The following TTC29 variants were observed in gnomAD, a reference collection of about 807,000 sequenced individuals.
TTC29 encodes the protein tetratricopeptide repeat domain 29.
TTC29 carries 49 observed loss-of-function variants against 58.1 expected under a neutral mutation model. That is an observed-to-expected ratio of 0.84 (90% CI 0.67 to 1.07). The LOEUF is 1.07. Among genes scored for constraint, TTC29 ranks in the 50% least tolerant of loss-of-function variants. The pLI is 0.00. For synonymous variants in TTC29, 209 were observed against 196.8 expected (o/e 1.06, Z -0.52); for missense variants, 582 against 555.6 (o/e 1.05, Z -0.48).
intron 11 of TTC29, among the ~76,000 whole-genome samples, chr4:146,721,086 G>A (rs1048205005): frequency 4.6e-5 from 7 of 152,050 alleles, no homozygotes; most frequent in Non-Finnish European, 4.4e-5. Context: ...AAGAAATGAG[G>A]TTTTTATGTA....
rs138153461 is a variant in TTC29 at position 146,750,647 on chromosome 4, A to G, written c.1331-43096T>C. On this transcript the variant is annotated intron_variant, in intron 11 of 12. Coordinates refer to ENST00000325106, the MANE Select transcript of TTC29 (RefSeq NM_031956.4). ...TGTATGCAACAGAGGTTAAATTATT[A>G]TCGGCTTAGAATAGCAGATTATAAG... 5.5e-3 allele frequency among the ~76,000 whole-genome samples: 833 copies of G among 152,342 alleles called. 10 individuals carry two copies. The highest frequency in any genetic ancestry group is 0.041 in the Middle Eastern group (12 of 294).
chr4:146,940,738 T>A (rs184734497), intron 2 of TTC29, among the ~76,000 whole-genome samples: 69 of 152,312 alleles, frequency 4.5e-4, no homozygotes, highest in Non-Finnish European at 6.8e-4. Flanking sequence ...ATGGACTCCC[T>A]CACATCATGG....
In TTC29 at chr4:146,803,479, G is replaced by A; in HGVS notation, c.1308C>T (p.Asn436=). 3.8e-6 allele frequency: 6 copies of A among 1,588,470 alleles called. No individual in the cohort carries two copies. Among genetic ancestry groups the A allele is most frequent in the Non-Finnish European group, 5.1e-6 (6 of 1,165,336 alleles). The change falls in exon 11 of 13, where the codon AAC becomes AAT. Residue 436 remains asparagine (N), a synonymous_variant. Coordinates refer to ENST00000325106, the MANE Select transcript of TTC29 (RefSeq NM_031956.4). ...YLLSWKESRG[N]IEPDPVTEEF... is the part of the protein sequence containing the mutation. ...TACCAGTAACTGGATCAGGTTCAATGTTACCTCTGCTCTCCTTCCATGACA... is the reference window on the plus strand; with the variant it reads ...TACCAGTAACTGGATCAGGTTCAATATTACCTCTGCTCTCCTTCCATGACA...
chr4:146,799,595 C>A (rs151323676), intron 11 of TTC29, among the ~76,000 whole-genome samples: 16 of 151,998 alleles, frequency 1.1e-4, no homozygotes, highest in African/African-American at 3.9e-4. Flanking sequence ...CCTTTACATG[C>A]CATTTTGTAG....
intron 9 of TTC29, 146 bp from the exon 10 acceptor site, chr4:146,820,394 T>TATGGC: frequency 1.0e-6 from 1 of 960,582 alleles, no homozygotes; most frequent in Non-Finnish European, 1.5e-6. Context: ...AATTAAAATA[T>TATGGC]ATGGCTTGTT....
chr4:146,836,517 C>T (rs1450480252), intron 8 of TTC29, among the ~76,000 whole-genome samples: 1 of 152,002 alleles, frequency 6.6e-6, no homozygotes, highest in Non-Finnish European at 1.5e-5. Context: ...AGACAAAACC[C>T]AGTGCATTGG....
At position 146,907,541 on chromosome 4, in the gene TTC29, C is replaced by T. The variant is rs369676836; in HGVS notation, c.400+1485G>A. On this transcript the variant is annotated intron_variant, in intron 5 of 12. Coordinates refer to ENST00000325106, the MANE Select transcript of TTC29 (RefSeq NM_031956.4). ...GAGATGGAGTCTTGCTCTTGTCACC[C>T]AAGCTGGAGCGCAATGGAGCAATCT... Among the ~76,000 whole-genome samples, 21 of 152,290 alleles carry T rather than the reference C, an allele frequency of 1.4e-4. 1 individual carries two copies. The highest frequency in any genetic ancestry group is 9.8e-4 in the Admixed American group (15 of 15,284).
intron 11 of TTC29, among the ~76,000 whole-genome samples, chr4:146,767,587 A>G (rs1747421719): frequency 6.6e-6 from 1 of 152,016 alleles, no homozygotes; most frequent in African/African-American, 2.4e-5. Flanking sequence ...GCATATATGT[A>G]CTCTGTTAAT....
rs1553942363 is a variant in TTC29 at position 146,930,098 on chromosome 4, T to TATATATACAC, written c.176+7495_176+7496insGTGTATATAT. 9.8e-3 allele frequency among the ~76,000 whole-genome samples: 1,161 copies of TATATATACAC among 118,720 alleles called. 23 individuals carry two copies. Among genetic ancestry groups the TATATATACAC allele is most frequent in the African/African-American group, 0.043 (1,109 of 25,588 alleles). 77.9% of individuals were successfully genotyped at this position (118,720 alleles called of 152,430 possible). On this transcript the variant is annotated intron_variant, in intron 4 of 12. Coordinates refer to ENST00000325106, the MANE Select transcript of TTC29 (RefSeq NM_031956.4). ...ATGTGTGTGTGCATATATATATATATATATATATATATATATATATACACA... is the reference window on the plus strand; with the variant it reads ...ATGTGTGTGTGCATATATATATATATATATATACACATATATATATATATATATATACACA...
chr4:146,794,846 G>T (rs564255330), intron 11 of TTC29, among the ~76,000 whole-genome samples: 3 of 152,122 alleles, frequency 2.0e-5, no homozygotes, highest in African/African-American at 7.2e-5. Context: ...GTGCAGGTGT[G>T]TTACATAGGT....
At chr4:146,933,175 A>G (rs1240356436) in intron 4 of TTC29, among the ~76,000 whole-genome samples, 7 of 152,274 alleles carry the variant, frequency 4.6e-5, no homozygotes, top group African/African-American at 1.7e-4. Context: ...GTGATGCTCA[A>G]TAAACATCCA....
chr4:146,920,978 C>T (rs890283851), intron 4 of TTC29, among the ~76,000 whole-genome samples: 3 of 151,214 alleles, frequency 2.0e-5, no homozygotes, highest in African/African-American at 7.3e-5. Context: ...TGATTTTCCC[C>T]TTATCTAAAA....
At chr4:146,716,438 G>A (rs1742936249) in intron 11 of TTC29, among the ~76,000 whole-genome samples, 1 of 151,980 alleles carries the variant, frequency 6.6e-6, no homozygotes, top group Non-Finnish European at 1.5e-5. Flanking sequence ...CTTTATTGAG[G>A]TATGATTGAC....
intron 6 of TTC29, among the ~76,000 whole-genome samples, chr4:146,890,691 T>C (rs1017281852): frequency 1.3e-5 from 2 of 152,206 alleles, no homozygotes; most frequent in African/African-American, 2.4e-5. Context: ...CCCAGATGGC[T>C]GAATATTCCC....
chr4:146,860,587 A>C (rs144868690), intron 8 of TTC29, among the ~76,000 whole-genome samples: 172 of 152,252 alleles, frequency 1.1e-3, no homozygotes, highest in African/African-American at 3.9e-3. Context: ...CTCTCAATGA[A>C]GGATACTCTC....
intron 4 of TTC29, among the ~76,000 whole-genome samples, chr4:146,919,336 T>C (rs1384061901): frequency 6.6e-6 from 1 of 151,052 alleles, no homozygotes; most frequent in East Asian, 1.9e-4. Flanking sequence ...ACCCTGGAAA[T>C]AATCTTAGCT....
intron 9 of TTC29, among the ~76,000 whole-genome samples, chr4:146,823,101 A>C (rs1189449534): frequency 6.6e-6 from 1 of 152,062 alleles, no homozygotes; most frequent in Non-Finnish European, 1.5e-5. Flanking sequence ...GAAGCTCTTT[A>C]GTTTAATTAG....
chr4:146,794,490 G>A (rs535077720), intron 11 of TTC29, among the ~76,000 whole-genome samples: 5 of 151,988 alleles, frequency 3.3e-5, no homozygotes, highest in South Asian at 2.1e-4. Flanking sequence ...AAATCTGTAC[G>A]GTACAGTATA....
chr4:146,871,308 A>G (rs557946787), intron 7 of TTC29, among the ~76,000 whole-genome samples: 1 of 152,050 alleles, frequency 6.6e-6, no homozygotes, highest in African/African-American at 2.4e-5. Context: ...AAAACCCTCA[A>G]CAAACTTGGA....
Sources: allele counts gnomAD v4.1 joint callset (sites outside exome capture counted in the v4.1 genomes callset), GRCh38; gene constraint gnomAD v4.1.1; transcripts MANE v1.5; gene names NCBI Gene and HGNC (gene_info 2026-07-23, HGNC 2026-07-21).